The following DGKK variants were observed in gnomAD, a reference collection of about 807,000 sequenced individuals.
DGKK encodes the protein diacylglycerol kinase kappa, also known as 142 kDa diacylglycerol kinase.
A neutral mutation model predicts 92.2 loss-of-function variants in DGKK; 35 were observed. That is an observed-to-expected ratio of 0.38 (90% CI 0.29 to 0.50). The LOEUF is 0.50. Among genes scored for constraint, DGKK ranks in the 20% least tolerant of loss-of-function variants. The probability of loss-of-function intolerance (pLI) is 0.92; values close to 1 mark genes in which losing one functional copy is unlikely to be tolerated. For synonymous variants in DGKK, 368 were observed against 360.6 expected (o/e 1.02, Z -0.23); for missense variants, 910 against 992.2 (o/e 0.92, Z 1.11).
intron 18 of DGKK, among the ~76,000 whole-genome samples, chrX:50,380,483 T>C (rs1186912885): frequency 4.5e-5 from 5 of 111,284 alleles, no homozygotes; most frequent in Non-Finnish European, 9.4e-5. Flanking sequence ...AACACGTGAC[T>C]CTTAGAGTGC....
intron 12 of DGKK, 142 bp downstream of exon 12, chrX:50,390,186 A>G (rs1321578404): frequency 4.0e-6 from 2 of 499,689 alleles, no homozygotes; most frequent in East Asian, 3.5e-5. Flanking sequence ...TTCTTGGTAA[A>G]TAGCTGCTGA....
At position 50,403,473 on chromosome X, in the gene DGKK, G is replaced by T. The variant is rs140149825; in HGVS notation, c.1185+18C>A. 5.2e-4 allele frequency: 615 copies of T among 1,180,827 alleles called. No individual in the cohort carries two copies. Among genetic ancestry groups the T allele is most frequent in the Non-Finnish European group, 6.7e-4 (578 of 868,825 alleles). On this transcript the variant is annotated intron_variant, in intron 6 of 27. Transcript: ENST00000611977. Reference sequence around the variant, plus strand: ...ACATGGGAGAGGCCGACTGTGGGAAGACATGGCTAGTACTTACTACTTCAT... The same window carrying T: ...ACATGGGAGAGGCCGACTGTGGGAATACATGGCTAGTACTTACTACTTCAT...
At position 50,447,344 on chromosome X, in the gene DGKK, T is replaced by A. The variant is rs868988455; in HGVS notation, c.645+22690A>T. Among the ~76,000 whole-genome samples, 16 of 10,474 alleles carry A rather than the reference T, an allele frequency of 1.5e-3. 1 individual carries two copies. The highest frequency in any genetic ancestry group is 6.2e-3 in the Admixed American group (3 of 487). 9.1% of individuals were successfully genotyped at this position (10,474 alleles called of 115,157 possible). A position where few individuals can be genotyped will look rare whatever the true frequency, so the allele number is the denominator to read the frequency against. The stretch of plus-strand genomic sequence containing the variant: ...TGTGTATGTATATATATATATATAT[T>A]ATATATATATATAATATATATATAT... On this transcript the variant is annotated intron_variant, in intron 1 of 27. Transcript: ENST00000611977.
intron 1 of DGKK, among the ~76,000 whole-genome samples, chrX:50,464,731 G>T (rs2147154308): frequency 9.1e-6 from 1 of 110,392 alleles, no homozygotes; most frequent in East Asian, 2.8e-4. Context: ...TTATCTTGTG[G>T]TTAGAGGGAT....
chrX:50,374,701 A>G (rs1924225768), intron 25 of DGKK, among the ~76,000 whole-genome samples: 1 of 111,143 alleles, frequency 9.0e-6, no homozygotes, highest in Non-Finnish European at 1.9e-5. Context: ...GTAACACTCT[A>G]CTTTTTATTG....
chrX:50,470,396 GGGCCGGTTCTGA>G lies in DGKK; in HGVS notation c.271_282del (p.Ser91_Ala94del), dbSNP rs1273269580. 8.3e-7 allele frequency: 1 copy of G among 1,207,987 alleles called. No individual in the cohort carries two copies. On this transcript the variant is annotated inframe_deletion, in exon 1 of 28. Coordinates refer to ENST00000611977, the MANE Select transcript of DGKK (RefSeq NM_001013742.4). Reference sequence around the variant, plus strand: ...GGGGCCGGCTCTGTGGCAGGTTCTGGGGCCGGTTCTGAGGCCGGCTCTGTGGCTGGTTCTGGG... The same window carrying G: ...GGGGCCGGCTCTGTGGCAGGTTCTGGGGCCGGCTCTGTGGCTGGTTCTGGG...
chrX:50,440,058 A>T (rs184268788), intron 1 of DGKK, among the ~76,000 whole-genome samples: 55 of 111,674 alleles, frequency 4.9e-4, no homozygotes, highest in African/African-American at 1.8e-3. Flanking sequence ...TTCGAATCTA[A>T]TGCTCTCGAA....
In DGKK at chrX:50,408,948, T is replaced by C. The variant is rs1292992385; in HGVS notation, c.943-4764A>G. ...ATGTATTTTGCACATTGGAAGGACA[T>C]GAATTTGGGGGGGACTAGAGGGTGG... On this transcript the variant is annotated intron_variant, in intron 4 of 27. Coordinates refer to ENST00000611977, the MANE Select transcript of DGKK (RefSeq NM_001013742.4). 8.1e-5 allele frequency among the ~76,000 whole-genome samples: 9 copies of C among 111,361 alleles called. No individual in the cohort carries two copies. The Admixed American group carries it at 8.6e-4, about 11-fold the overall frequency.
intron 1 of DGKK, among the ~76,000 whole-genome samples, chrX:50,460,995 G>C (rs782154366): frequency 1.8e-5 from 2 of 108,995 alleles, no homozygotes; most frequent in Non-Finnish European, 3.8e-5. Context: ...GTTTTGTTCT[G>C]GATCTCCTTC....
rs1335073871 is a variant in DGKK, at chrX:50,368,507, C to T, written c.*433G>A. The T allele has an allele frequency of 8.8e-6, 1 of 113,085 alleles. No individual in the cohort carries two copies. Among genetic ancestry groups the T allele is most frequent in the African/African-American group, 3.3e-5 (1 of 30,585 alleles). The allele number at this position is 113,085 out of a possible 1,213,427, so 9.3% of individuals were successfully genotyped here. A position where few individuals can be genotyped will look rare whatever the true frequency, so the allele number is the denominator to read the frequency against. On this transcript the variant is annotated 3_prime_UTR_variant, in exon 28 of 28. Transcript: ENST00000611977. ...CACACAACCAAGTCTGGCTGTCCTG[C>T]CTGCCCCCTTCTCTTCATCTCCCTG... is the stretch of plus-strand genomic sequence containing the variant.
chrX:50,387,439 C>G, intron 14 of DGKK, 115 bp downstream of exon 14: 1 of 567,131 alleles, frequency 1.8e-6, no homozygotes, highest in African/African-American at 2.3e-5. Flanking sequence ...GGCTTAACAG[C>G]TGCCCCTCCT....
intron 25 of DGKK, 108 bp downstream of exon 25, chrX:50,374,862 TG>T (rs1924228627): frequency 4.8e-6 from 3 of 630,715 alleles, no homozygotes; most frequent in South Asian, 5.2e-5. Context: ...GGCAAGCACC[TG>T]GCCAAAATGC....
At chrX:50,447,800 G>A (rs1441142875) in intron 1 of DGKK, among the ~76,000 whole-genome samples, 1 of 109,846 alleles carries the variant, frequency 9.1e-6, no homozygotes, top group African/African-American at 3.3e-5. Flanking sequence ...TTGGGAAGGA[G>A]GGGGAGCAGT....
chrX:50,371,182 C>G (rs1233169053), intron 26 of DGKK, among the ~76,000 whole-genome samples: 1 of 112,358 alleles, frequency 8.9e-6, no homozygotes, highest in Non-Finnish European at 1.9e-5. Flanking sequence ...TACTACTGGT[C>G]TCAGTAAAAC....
intron 27 of DGKK, 39 bp from the exon 28 acceptor site, chrX:50,369,058 A>C: frequency 1.8e-6 from 2 of 1,081,095 alleles, no homozygotes; most frequent in Non-Finnish European, 2.5e-6. Flanking sequence ...TAATGAGGTT[A>C]GCACAATGCC....
chrX:50,399,351 C>G (rs781996361), intron 8 of DGKK, among the ~76,000 whole-genome samples: 3 of 111,896 alleles, frequency 2.7e-5, no homozygotes, highest in Non-Finnish European at 5.6e-5. Context: ...ATCTTTGCCC[C>G]CTTCTGTTCT....
At chrX:50,388,418 G>A in intron 13 of DGKK, 109 bp downstream of exon 13, 1 of 519,962 alleles carries the variant, frequency 1.9e-6, no homozygotes, top group East Asian at 4.0e-5. Flanking sequence ...ATCTGATTTG[G>A]GAACATAAAC....
At chrX:50,405,343 C>T (rs1925123479) in intron 4 of DGKK, among the ~76,000 whole-genome samples, 1 of 111,848 alleles carries the variant, frequency 8.9e-6, no homozygotes. Context: ...TCCAAGGACT[C>T]TTACACCTTT....
Position 50,470,534 on chromosome X carries a change from C to A in DGKK, c.145G>T (p.Ala49Ser). The change falls in exon 1 of 28, where the codon GCT becomes TCT. Residue 49 changes from alanine to serine, a missense_variant. Physicochemically the swap from Ala to Ser is moderately conservative, Grantham distance 99. Coordinates refer to ENST00000611977, the MANE Select transcript of DGKK (RefSeq NM_001013742.4). ...PPPAPPLLSE[A>S]SPEPIPEPCP... ...GGCTCTGGTATGGGTTCTGGCGAAG[C>A]CTCGGAGAGCAGCGGCGGAGCCGGC... 1 of 1,210,278 alleles carries A rather than the reference C, an allele frequency of 8.3e-7. No individual in the cohort carries two copies. The highest frequency in any genetic ancestry group is 1.1e-6 in the Non-Finnish European group (1 of 895,290).
Sources: allele counts gnomAD v4.1 joint callset (sites outside exome capture counted in the v4.1 genomes callset), GRCh38; gene constraint gnomAD v4.1.1; transcripts MANE v1.5; gene names NCBI Gene and HGNC (gene_info 2026-07-23, HGNC 2026-07-21).